The following COL4A6 variants were observed in gnomAD, a reference collection of about 807,000 sequenced individuals.
COL4A6 encodes the protein collagen alpha-6(IV) chain.
Under a neutral mutation model 126.7 loss-of-function variants are expected in COL4A6, and 59 were observed. That is an observed-to-expected ratio of 0.47 (90% CI 0.38 to 0.58). COL4A6 has a LOEUF of 0.58. Ranked by LOEUF, COL4A6 falls within the 20% of genes least tolerant of loss-of-function variation. The pLI is 0.00. For missense variants in COL4A6, 1,285 were observed against 1,337.3 expected, an observed-to-expected ratio of 0.96 and a Z score of 0.61; for synonymous variants, 547 against 496.6, an observed-to-expected ratio of 1.10 and a Z score of -1.35.
chrX:108,351,881 T>G (rs759370348), intron 2 of COL4A6, among the ~76,000 whole-genome samples: 2 of 112,157 alleles, frequency 1.8e-5, no homozygotes, highest in Non-Finnish European at 1.9e-5. Context: ...AGAGGCAAGA[T>G]AGTGAAACAA....
chrX:108,388,273 A>G (rs961292805), intron 2 of COL4A6, among the ~76,000 whole-genome samples: 9 of 112,079 alleles, frequency 8.0e-5, no homozygotes, highest in Admixed American at 2.8e-4. Context: ...ATTCTTTGGA[A>G]TAGTTTCAAA....
chrX:108,290,206 G>A (rs981402313), intron 3 of COL4A6, among the ~76,000 whole-genome samples: 3 of 112,204 alleles, frequency 2.7e-5, no homozygotes, highest in African/African-American at 6.5e-5. Flanking sequence ...GAAGATGTAA[G>A]TAGGAAGAAG....
At chrX:108,211,508 T>C (rs1444476176) in intron 7 of COL4A6, among the ~76,000 whole-genome samples, 164 bp downstream of exon 7, 1 of 113,314 alleles carries the variant, frequency 8.8e-6, no homozygotes, top group Non-Finnish European at 1.9e-5. Context: ...TTTATGTCAA[T>C]GTTTCCACCA....
At chrX:108,288,878 C>G (rs1161242441) in intron 3 of COL4A6, among the ~76,000 whole-genome samples, 1 of 111,314 alleles carries the variant, frequency 9.0e-6, no homozygotes, top group Admixed American at 9.6e-5. Context: ...TCATGTTCCT[C>G]CTGATGTGAG....
intron 2 of COL4A6, among the ~76,000 whole-genome samples, chrX:108,377,351 C>T (rs2040459043): frequency 1.8e-5 from 2 of 109,614 alleles, no homozygotes; most frequent in African/African-American, 6.6e-5. Flanking sequence ...AGACAGATGC[C>T]TTCCTCTTAT....
intron 2 of COL4A6, chrX:108,384,065 A>T: frequency 2.5e-6 from 1 of 396,938 alleles, no homozygotes. Flanking sequence ...GCATTCATTC[A>T]TCCAGTTACC....
At chrX:108,293,860 T>A (rs2038242364) in intron 3 of COL4A6, among the ~76,000 whole-genome samples, 1 of 112,588 alleles carries the variant, frequency 8.9e-6, no homozygotes, top group South Asian at 3.7e-4. Flanking sequence ...TTGCAGGAGC[T>A]ATTTAACTTA....
intron 2 of COL4A6, among the ~76,000 whole-genome samples, chrX:108,399,308 A>T (rs2041036485): frequency 9.0e-6 from 1 of 111,628 alleles, no homozygotes; most frequent in South Asian, 3.7e-4. Flanking sequence ...ACTATGTTAG[A>T]TTCTGCCCTG....
At chrX:108,172,423 C>T (rs2034340449) in intron 32 of COL4A6, 46 bp downstream of exon 32, 1 of 828,054 alleles carries the variant, frequency 1.2e-6, no homozygotes, top group African/African-American at 2.1e-5. Flanking sequence ...AGAAATCTAC[C>T]TTGCTCTAGA....
chrX:108,210,152 A>G (rs1014668865), intron 7 of COL4A6, 148 bp from the exon 8 acceptor site: 21 of 512,212 alleles, frequency 4.1e-5, no homozygotes, highest in Non-Finnish European at 6.2e-5. Context: ...TAATGTATGA[A>G]TTGGACATAT....
intron 18 of COL4A6, 45 bp downstream of exon 18, chrX:108,192,428 G>A (rs1569343715): frequency 1.0e-6 from 1 of 959,724 alleles, no homozygotes; most frequent in Non-Finnish European, 1.5e-6. Flanking sequence ...GAACCACAGT[G>A]TATAGAGGAC....
chrX:108,178,446 G>A (rs180854184), intron 27 of COL4A6, among the ~76,000 whole-genome samples: 34 of 112,793 alleles, frequency 3.0e-4, no homozygotes, highest in Non-Finnish European at 4.5e-4. Flanking sequence ...ATGAGGCCAT[G>A]GAGGAGGCGG....
chrX:108,257,872 G>A (rs1416838932), intron 3 of COL4A6, among the ~76,000 whole-genome samples: 1 of 111,688 alleles, frequency 9.0e-6, no homozygotes, highest in Non-Finnish European at 1.9e-5. Flanking sequence ...AGAGTAACGC[G>A]TGGGTAATGA....
At chrX:108,270,972 AG>A (rs1202423196) in intron 3 of COL4A6, among the ~76,000 whole-genome samples, 1 of 111,970 alleles carries the variant, frequency 8.9e-6, no homozygotes, top group East Asian at 2.8e-4. Flanking sequence ...CGCGGCTTAG[AG>A]CAAAAGGAGA....
At chrX:108,436,864 G>T (rs1035141371) in intron 2 of COL4A6, among the ~76,000 whole-genome samples, 4 of 111,158 alleles carry the variant, frequency 3.6e-5, no homozygotes, top group Admixed American at 9.5e-5. Flanking sequence ...TAAACACATT[G>T]GGTGATTTAT....
At chrX:108,378,808 A>G (rs922403016) in intron 2 of COL4A6, among the ~76,000 whole-genome samples, 11 of 113,368 alleles carry the variant, frequency 9.7e-5, no homozygotes, top group Non-Finnish European at 2.1e-4. Flanking sequence ...CTATTTTTGT[A>G]AATAAAATTT....
intron 2 of COL4A6, among the ~76,000 whole-genome samples, chrX:108,413,044 T>C (rs1292226537): frequency 1.8e-5 from 2 of 112,167 alleles, no homozygotes; most frequent in East Asian, 2.8e-4. Context: ...CTGTGGAATT[T>C]GGAAGAGTAG....
chrX:108,376,805 C>T (rs1203861462), intron 2 of COL4A6, among the ~76,000 whole-genome samples: 1 of 112,521 alleles, frequency 8.9e-6, no homozygotes, highest in Non-Finnish European at 1.9e-5. Flanking sequence ...TCACTTAATA[C>T]TTTTCTTACA....
intron 3 of COL4A6, among the ~76,000 whole-genome samples, chrX:108,232,061 C>A (rs756633858): frequency 9.0e-6 from 1 of 111,470 alleles, no homozygotes; most frequent in African/African-American, 3.3e-5. Context: ...GCACAGTATG[C>A]TAACTTGATG....
Sources: allele counts gnomAD v4.1 joint callset (sites outside exome capture counted in the v4.1 genomes callset), GRCh38; gene constraint gnomAD v4.1.1; transcripts MANE v1.5; gene names NCBI Gene and HGNC (gene_info 2026-07-23, HGNC 2026-07-21).